Variants in GCNT1 observed in about 807,000 individuals in gnomAD.
GCNT1 encodes beta-1,3-galactosyl-O-glycosyl-glycoprotein beta-1,6-N-acetylglucosaminyltransferase.
In GCNT1, 16 loss-of-function variants were observed where a neutral mutation model predicts 26.2. The observed-to-expected ratio is 0.61, with a 90% CI of 0.41 to 0.93. GCNT1 has a LOEUF of 0.93. Ranked by LOEUF, GCNT1 falls within the 40% of genes least tolerant of loss-of-function variation. The pLI is 0.00. For missense variants in GCNT1, 477 were observed against 526.7 expected, an observed-to-expected ratio of 0.91 and a Z score of 0.92; for synonymous variants, 183 against 190.8, an observed-to-expected ratio of 0.96 and a Z score of 0.34.
rs997162929 is a variant in GCNT1 at position 76,502,205 on chromosome 9, T to A, written c.-143-34T>A. ...TATATATATATATATATATATATAT[T>A]TATTTATATTTATAATTGCTTCTTT... is the stretch of plus-strand genomic sequence containing the variant. On this transcript the variant is annotated intron_variant, in intron 3 of 3. Coordinates refer to ENST00000376730, the MANE Select transcript of GCNT1 (RefSeq NM_001490.5). 138 of 210,790 alleles carry A rather than the reference T, an allele frequency of 6.5e-4. 2 individuals carry two copies. The South Asian group carries it at 0.012, about 19-fold the overall frequency. 13.1% of individuals were successfully genotyped at this position (210,790 alleles called of 1,614,324 possible). A position where few individuals can be genotyped will look rare whatever the true frequency, so the allele number is the denominator to read the frequency against.
intron 2 of GCNT1, among the ~76,000 whole-genome samples, chr9:76,499,764 T>C (rs1350631412): frequency 6.6e-6 from 1 of 152,206 alleles, no homozygotes; most frequent in Non-Finnish European, 1.5e-5. Context: ...TTTCTGCTGT[T>C]ATTAATATCT....
chr9:76,487,201 C>T (rs143400043), intron 2 of GCNT1, among the ~76,000 whole-genome samples: 1 of 152,334 alleles, frequency 6.6e-6, no homozygotes, highest in African/African-American at 2.4e-5. Flanking sequence ...GCAAGGCCTT[C>T]GCCTTGTGAT....
At chr9:76,455,381 T>C (rs1419404786), upstream of GCNT1, among the ~76,000 whole-genome samples, 2 of 152,200 alleles carry the variant, frequency 1.3e-5, no homozygotes, top group East Asian at 3.9e-4. Context: ...TAACCATTTA[T>C]AAGATGAGAA....
In GCNT1 at chr9:76,501,512, A is replaced by C. The variant is rs542660977; in HGVS notation, c.-144+451A>C. ...AACGCAAGCTGTATCTCTCTTTTGGATTATGAATACTTTGTTTTCTTGTAG... is the reference window on the plus strand; with the variant it reads ...AACGCAAGCTGTATCTCTCTTTTGGCTTATGAATACTTTGTTTTCTTGTAG... On this transcript the variant is annotated intron_variant, in intron 3 of 3. Transcript: ENST00000376730. Among the ~76,000 whole-genome samples, 23 of 152,268 alleles carry C rather than the reference A, an allele frequency of 1.5e-4. No homozygotes were observed. In the South Asian group the frequency reaches 3.7e-3, roughly 25 times the overall value.
chr9:76,394,128 C>T, the GCNT1 span: 1 of 1,609,660 alleles, frequency 6.2e-7, no homozygotes. Flanking sequence ...GCGGCCGAAG[C>T]CCCGCACCAC....
At chr9:76,413,653 G>GTTTTGTTTTTTTTGT in the GCNT1 span, among the ~76,000 whole-genome samples, 11 of 118,674 alleles carry the variant, frequency 9.3e-5, no homozygotes, top group South Asian at 2.6e-4. Context: ...GTTTTGTTTT[G>GTTTTGTTTTTTTTGT]TTTTTTTTTT....
chr9:76,403,349 T>A, the GCNT1 span, among the ~76,000 whole-genome samples: 2,543 of 152,322 alleles, frequency 0.017, 68 homozygotes, highest in African/African-American at 0.057. Flanking sequence ...TGATTTTTGT[T>A]TTTTGTTTTT....
At chr9:76,474,316 A>T (rs1351781138) in intron 2 of GCNT1, among the ~76,000 whole-genome samples, 2 of 152,220 alleles carry the variant, frequency 1.3e-5, no homozygotes, top group African/African-American at 4.8e-5. Context: ...AGTATCGTTT[A>T]TTTGGAAGGC....
chr9:76,409,226 TAGACATAGAG>T, the GCNT1 span, among the ~76,000 whole-genome samples: 3 of 152,188 alleles, frequency 2.0e-5, no homozygotes, highest in Non-Finnish European at 4.4e-5. Context: ...ATAAGATTTG[TAGACATAGAG>T]AGTTTCATAT....
chr9:76,445,672 A>G (rs747752414), intron 1 of GCNT1, among the ~76,000 whole-genome samples: 15 of 151,464 alleles, frequency 9.9e-5, no homozygotes, highest in African/African-American at 1.5e-4. Flanking sequence ...ACTTATTAGA[A>G]TTGGCAAAGA....
chr9:76,451,760 A>AT (rs1207826560), intron 1 of GCNT1, among the ~76,000 whole-genome samples: 2 of 152,094 alleles, frequency 1.3e-5, no homozygotes, highest in Non-Finnish European at 2.9e-5. Context: ...GTACCAGTCT[A>AT]TGGTACTTTG....
At chr9:76,444,934 G>A (rs145546709) in intron 1 of GCNT1, among the ~76,000 whole-genome samples, 11 of 152,266 alleles carry the variant, frequency 7.2e-5, no homozygotes, top group East Asian at 1.9e-4. Context: ...GTTCATTTAC[G>A]TGCTGTCTGT....
the GCNT1 span, among the ~76,000 whole-genome samples, chr9:76,394,944 G>C: frequency 2.0e-5 from 3 of 152,146 alleles, no homozygotes; most frequent in Non-Finnish European, 4.4e-5. Flanking sequence ...TCGTCCTCCA[G>C]GACCACTGAC....
intron 2 of GCNT1, among the ~76,000 whole-genome samples, chr9:76,489,744 T>TCC (rs554435090): frequency 6.6e-6 from 1 of 151,756 alleles, no homozygotes; most frequent in African/African-American, 2.4e-5. Context: ...CACCTCTCAA[T>TCC]CCCCCCTCTA....
At chr9:76,406,741 T>C in the GCNT1 span, among the ~76,000 whole-genome samples, 4 of 151,788 alleles carry the variant, frequency 2.6e-5, no homozygotes, top group Admixed American at 6.6e-5. Context: ...TTTCTTCTTG[T>C]AGAGTTTTAA....
chr9:76,452,411 A>G (rs1823684890), intron 1 of GCNT1, among the ~76,000 whole-genome samples: 1 of 152,166 alleles, frequency 6.6e-6, no homozygotes, highest in Non-Finnish European at 1.5e-5. Context: ...CTAGGTACTT[A>G]TATTAGACCA....
At chr9:76,436,438 A>C (rs1289876813) in intron 1 of GCNT1, among the ~76,000 whole-genome samples, 1 of 151,820 alleles carries the variant, frequency 6.6e-6, no homozygotes, top group African/African-American at 2.4e-5. Flanking sequence ...AAATACAAAA[A>C]TTAACTGGGC....
chr9:76,429,723 T>C (rs1336053830), intron 1 of GCNT1, among the ~76,000 whole-genome samples: 2 of 149,442 alleles, frequency 1.3e-5, no homozygotes, highest in Non-Finnish European at 3.0e-5. Context: ...TTCTTTTTTT[T>C]TTTTTTTTTT....
chr9:76,498,706 G>C (rs1332714577), intron 2 of GCNT1, among the ~76,000 whole-genome samples: 4 of 150,946 alleles, frequency 2.6e-5, no homozygotes, highest in Non-Finnish European at 5.9e-5. Context: ...CCGGGAGCCA[G>C]AGGTTGCAGT....
Sources: gnomAD v4.1 joint callset for allele counts (sites outside exome capture counted in the v4.1 genomes callset) on GRCh38, gnomAD v4.1.1 for gene constraint, MANE v1.5 for transcripts, NCBI Gene and HGNC (gene_info 2026-07-23, HGNC 2026-07-21) for gene names.